Variants in SH3BP2 observed in about 807,000 individuals in gnomAD.
SH3BP2 encodes the protein SH3 domain binding protein 2, also known as SH3 domain-binding protein 2.
Under a neutral mutation model 56.2 loss-of-function variants are expected in SH3BP2, and 38 were observed. The observed-to-expected ratio is 0.68, with a 90% CI of 0.52 to 0.89. SH3BP2 has a LOEUF of 0.89. Among genes scored for constraint, SH3BP2 ranks in the 40% least tolerant of loss-of-function variants. The pLI, the probability that SH3BP2 is intolerant of heterozygous loss-of-function variation, is 0.00. For synonymous variants in SH3BP2, 346 were observed against 316.7 expected (o/e 1.09, Z -0.98); for missense variants, 748 against 762.6 (o/e 0.98, Z 0.23).
In SH3BP2 at chr4:2,831,527, T is replaced by C; in HGVS notation, c.1242-44T>C. 6.8e-7 allele frequency: 1 copy of C among 1,467,738 alleles called. No homozygotes were observed. The highest frequency in any genetic ancestry group is 9.3e-7 in the Non-Finnish European group (1 of 1,070,494). 90.9% of individuals were successfully genotyped at this position (1,467,738 alleles called of 1,614,324 possible). A position where few individuals can be genotyped will look rare whatever the true frequency, so the allele number is the denominator to read the frequency against. On this transcript the variant is annotated intron_variant, in intron 8 of 12. Coordinates refer to ENST00000503393, the MANE Select transcript of SH3BP2 (RefSeq NM_001122681.2). The surrounding 1 kb of genome is among the most constrained non-coding windows in gnomAD (Gnocchi z 4.1). ...GGGAGCAGAGGGTGGCCGCCCCGTG[T>C]CTGACAGTGAAATGGTCCTGCCTTC...
intron 1 of SH3BP2, among the ~76,000 whole-genome samples, chr4:2,804,660 C>T (rs1008572024): frequency 2.0e-5 from 3 of 152,240 alleles, no homozygotes; most frequent in Non-Finnish European, 4.4e-5. Context: ...GGCCAGGGCC[C>T]ACCCCCACTG....
At chr4:2,797,567 C>A (rs770853338) in intron 1 of SH3BP2, among the ~76,000 whole-genome samples, 2 of 152,218 alleles carry the variant, frequency 1.3e-5, no homozygotes, top group Non-Finnish European at 2.9e-5. Flanking sequence ...CAGCTGAAGA[C>A]ATAAGTGTCT....
intron 1 of SH3BP2, chr4:2,812,450 G>A (rs1490596645): frequency 1.3e-6 from 2 of 1,550,220 alleles, no homozygotes; most frequent in South Asian, 2.4e-5. Flanking sequence ...CGAGGACGGA[G>A]GGCCATGTGT....
chr4:2,832,562 C>A (rs976613456), intron 11 of SH3BP2, 150 bp downstream of exon 11: 12 of 721,290 alleles, frequency 1.7e-5, no homozygotes, highest in African/African-American at 3.5e-5. Flanking sequence ...GCAGCACCCC[C>A]CAATCTATTC....
chr4:2,808,352 T>C (rs1183834067), intron 1 of SH3BP2, among the ~76,000 whole-genome samples: 1 of 152,210 alleles, frequency 6.6e-6, no homozygotes, highest in Non-Finnish European at 1.5e-5. Flanking sequence ...TAGGGCCCAC[T>C]TGGTCAATCC....
At chr4:2,796,360 T>C in intron 1 of SH3BP2, 1 of 974,222 alleles carries the variant, frequency 1.0e-6, no homozygotes. Flanking sequence ...CCCAACCTTC[T>C]CTCTTCTCCC....
At chr4:2,822,677 C>A (rs1325924558) in intron 2 of SH3BP2, among the ~76,000 whole-genome samples, 1 of 152,236 alleles carries the variant, frequency 6.6e-6, no homozygotes, top group Non-Finnish European at 1.5e-5. Context: ...CCAAATCTAC[C>A]TCTTCTTTGT....
In SH3BP2 at chr4:2,827,303, C is replaced by T. The variant is rs1724721031; in HGVS notation, c.502C>T (p.Pro168Ser). Residue 168 changes from proline (P) to serine (S), a missense_variant, in exon 6 of 13, where the codon CCC becomes TCC. Physicochemically the swap from Pro to Ser is moderately conservative, Grantham distance 74 (BLOSUM62 -1). This residue lies in a region of SH3BP2 where 635 missense variants were observed against 615.0 expected (regional missense o/e 1.03). Transcript: ENST00000503393. ...RPVDISLSPY[P>S]TDNEDYEHDD... ...TGTGGATATCAGCCTTTCCCCGTAC[C>T]CCACGGACAATGAAGGTGAGGTCTT... 2 of 1,614,136 alleles carry T rather than the reference C, an allele frequency of 1.2e-6. No homozygotes were observed. Among genetic ancestry groups the T allele is most frequent in the South Asian group, 2.2e-5 (2 of 91,080 alleles).
rs576085354 is a variant in SH3BP2, at chr4:2,833,543, C to T, written c.1549-154C>T. 106 of 890,174 alleles carry T rather than the reference C, an allele frequency of 1.2e-4. No homozygotes were observed. In the East Asian group the frequency reaches 1.7e-3, roughly 14 times the overall value. 55.1% of individuals were successfully genotyped at this position (890,174 alleles called of 1,614,324 possible). A position where few individuals can be genotyped will look rare whatever the true frequency, so the allele number is the denominator to read the frequency against. ...GAACATGGAGAGCACAGGCCTGATGCGGAGGCCACCTTGGGGGCACCACCG... is the reference window on the plus strand; with the variant it reads ...GAACATGGAGAGCACAGGCCTGATGTGGAGGCCACCTTGGGGGCACCACCG... On this transcript the variant is annotated intron_variant, in intron 12 of 12. Coordinates refer to ENST00000503393, the MANE Select transcript of SH3BP2 (RefSeq NM_001122681.2).
At chr4:2,830,198 G>T (rs1170479041) in intron 8 of SH3BP2, 51 bp downstream of exon 8, 1 of 1,540,728 alleles carries the variant, frequency 6.5e-7, no homozygotes, top group African/African-American at 1.4e-5. Flanking sequence ...AGGGACCCTG[G>T]CCTGGCCTCT....
At chr4:2,826,627 C>T (rs1266804120) in intron 5 of SH3BP2, 18 of 290,264 alleles carry the variant, frequency 6.2e-5, no homozygotes, top group Middle Eastern at 1.4e-3. Context: ...TGCATGTCTG[C>T]GTGTTGCTCT....
chr4:2,806,198 C>T (rs1368902140), intron 1 of SH3BP2, among the ~76,000 whole-genome samples: 1 of 152,236 alleles, frequency 6.6e-6, no homozygotes, highest in Non-Finnish European at 1.5e-5. Flanking sequence ...TAGAGCGGCC[C>T]TCTCTGGTGG....
chr4:2,829,855 A>C lies in SH3BP2; in HGVS notation c.949A>C (p.Thr317Pro). 3.1e-6 allele frequency: 5 copies of C among 1,613,606 alleles called. No homozygotes were observed. The highest frequency in any genetic ancestry group is 4.2e-6 in the Non-Finnish European group (5 of 1,179,980). ...PWTPGHGACS[T>P]SSAAIMATAT... The stretch of plus-strand genomic sequence containing the variant: ...GACCCCTGGCCACGGGGCCTGCTCC[A>C]CTTCCAGTGCTGCCATCATGGCCAC... Residue 317 changes from threonine (T) to proline (P), a missense_variant, in exon 8 of 13, where the codon ACT (threonine) becomes CCT (proline). Thr to Pro is a conservative substitution (Grantham distance 38). Transcript: ENST00000503393. This position sits in a 1 kb window ranked among gnomAD's most constrained non-coding sequence, Gnocchi z 4.9.
At chr4:2,833,450 C>G in intron 12 of SH3BP2, 1 of 607,322 alleles carries the variant, frequency 1.6e-6, no homozygotes, top group South Asian at 1.9e-5. Context: ...AGGTTCATTT[C>G]CTGACCTTGT....
intron 1 of SH3BP2, among the ~76,000 whole-genome samples, chr4:2,819,636 A>G (rs1467708168): frequency 6.6e-6 from 1 of 152,104 alleles, no homozygotes; most frequent in Non-Finnish European, 1.5e-5. Context: ...CACAGACCAA[A>G]CAGTGCAGGG....
At chr4:2,820,558 T>C in intron 1 of SH3BP2, 56 bp from the exon 2 acceptor site, 2 of 1,612,628 alleles carry the variant, frequency 1.2e-6, no homozygotes, top group Non-Finnish European at 1.7e-6. Flanking sequence ...GCGCCCTGGC[T>C]CAGCCATCTC....
At chr4:2,828,874 C>T (rs1005627799) in intron 7 of SH3BP2, among the ~76,000 whole-genome samples, 3 of 152,166 alleles carry the variant, frequency 2.0e-5, no homozygotes, top group East Asian at 1.9e-4. Context: ...CCCGTGCTCC[C>T]GGGGTCCTCT....
chr4:2,818,331 G>A, intron 1 of SH3BP2: 2 of 1,154,144 alleles, frequency 1.7e-6, no homozygotes, highest in Non-Finnish European at 2.1e-6. Context: ...GCCGGTGCTC[G>A]CAGGGGAGGC....
intron 2 of SH3BP2, 61 bp downstream of exon 2, chr4:2,820,814 A>G: frequency 6.6e-7 from 1 of 1,524,794 alleles, no homozygotes; most frequent in Non-Finnish European, 8.9e-7. Flanking sequence ...CTAGCCATGT[A>G]AGTAAGCATC....
Sources: allele counts gnomAD v4.1 joint callset (sites outside exome capture counted in the v4.1 genomes callset), GRCh38; gene constraint gnomAD v4.1.1; regional missense constraint gnomAD v4.1.1; non-coding constraint Gnocchi (gnomAD v3.1); transcripts MANE v1.5; gene names NCBI Gene and HGNC (gene_info 2026-07-23, HGNC 2026-07-21).